The following IP6K1 variants were observed in gnomAD, a reference collection of about 807,000 sequenced individuals.
IP6K1 encodes the protein inositol hexakisphosphate kinase 1, also known as ATP:1D-myo-inositol-hexakisphosphate phosphotransferase.
IP6K1 carries 13 observed loss-of-function variants against 38.3 expected under a neutral mutation model. The observed-to-expected ratio is 0.34, with a 90% CI of 0.22 to 0.54. The LOEUF (loss-of-function observed/expected upper bound fraction) is 0.54, where lower values mean the gene tolerates loss of function less well. IP6K1 is among the 20% of genes least tolerant of loss of function. IP6K1 has a pLI of 0.92. For synonymous variants in IP6K1, 212 were observed against 229.9 expected, an observed-to-expected ratio of 0.92 and a Z score of 0.70; for missense variants, 397 against 599.8, an observed-to-expected ratio of 0.66 and a Z score of 3.53.
At position 49,729,393 on chromosome 3, in the gene IP6K1, T is replaced by G. The variant is rs2108220836; in HGVS notation, c.617-1115A>C. On this transcript the variant is annotated intron_variant, in intron 4 of 5. Transcript: ENST00000321599. ...AGCTCTAGGGTATTTTTATGTTGAT[T>G]TATTTTTGTTATTTTTTATTTTATT... 1.3e-5 allele frequency among the ~76,000 whole-genome samples: 2 copies of G among 151,026 alleles called. 1 individual carries two copies.
At position 49,768,960 on chromosome 3, in the gene IP6K1, T is replaced by C. The variant is rs57704135; in HGVS notation, c.-129+17394A>G. Among the ~76,000 whole-genome samples the C allele has an allele frequency of 0.055, 8,366 of 152,206 alleles. 1,745 individuals carry two copies. The East Asian group carries it at 0.62, about 11-fold the overall frequency. ...TGCCACTGCATCATACCCTTCAAAATAGTTAAAATTCTACATTTTCTCATG... is the reference window on the plus strand; with the variant it reads ...TGCCACTGCATCATACCCTTCAAAACAGTTAAAATTCTACATTTTCTCATG... On this transcript the variant is annotated intron_variant, in intron 1 of 5. Transcript: ENST00000321599.
At position 49,727,519 on chromosome 3, in the gene IP6K1, G is replaced by C; in HGVS notation, c.929C>G (p.Pro310Arg). The C allele has an allele frequency of 6.2e-7, 1 of 1,614,234 alleles. No individual in the cohort carries two copies. The highest frequency in any genetic ancestry group is 8.5e-7 in the Non-Finnish European group (1 of 1,180,032). The change falls in exon 6 of 6, where the codon CCT (proline) becomes CGT (arginine). Residue 310 changes from proline (P) to arginine (R), a missense_variant. Pro to Arg is a moderately radical substitution (Grantham distance 103, BLOSUM62 -2). This residue lies in a region of IP6K1 where 164 missense variants were observed against 213.5 expected (regional missense o/e 0.77). Coordinates refer to ENST00000321599, the MANE Select transcript of IP6K1 (RefSeq NM_153273.4). The surrounding 1 kb of genome is among the most constrained non-coding windows in gnomAD (Gnocchi z 5.9). ...GLDLRRDLFE[P>R]ILSKLRGLKA... is the part of the protein sequence containing the mutation. ...CAGGCCCCGCAGTTTGCTCAGGATA[G>C]GCTCAAACAGGTCACGTCGCAGGTC... is the stretch of plus-strand genomic sequence containing the variant.
At chr3:49,728,884 T>C (rs2080537342) in intron 4 of IP6K1, among the ~76,000 whole-genome samples, 1 of 151,962 alleles carries the variant, frequency 6.6e-6, no homozygotes, top group South Asian at 2.1e-4. Flanking sequence ...TAGAACTTTT[T>C]CATCTTCCCA....
intron 1 of IP6K1, among the ~76,000 whole-genome samples, chr3:49,763,842 C>G (rs1219358257): frequency 2.6e-5 from 4 of 151,928 alleles, no homozygotes. Flanking sequence ...ATGGTGAAAC[C>G]CCGTCTCTAC....
At chr3:49,783,745 A>G (rs955930857) in intron 1 of IP6K1, among the ~76,000 whole-genome samples, 6 of 151,960 alleles carry the variant, frequency 3.9e-5, no homozygotes, top group East Asian at 1.9e-4. Flanking sequence ...AGAAAAGCTA[A>G]TATTTTAATA....
chr3:49,743,953 T>C (rs769451568), intron 2 of IP6K1, among the ~76,000 whole-genome samples: 1 of 151,974 alleles, frequency 6.6e-6, no homozygotes, highest in Non-Finnish European at 1.5e-5. Context: ...TGAGGTATGA[T>C]TGCACCACTG....
intron 1 of IP6K1, among the ~76,000 whole-genome samples, chr3:49,782,253 C>T (rs1176401272): frequency 6.6e-6 from 1 of 151,952 alleles, no homozygotes; most frequent in East Asian, 1.9e-4. Flanking sequence ...TCACTGCAAC[C>T]TCCACCTCCC....
chr3:49,777,857 G>A (rs1214080282), intron 1 of IP6K1, among the ~76,000 whole-genome samples: 5 of 152,104 alleles, frequency 3.3e-5, no homozygotes, highest in African/African-American at 9.7e-5. Flanking sequence ...GGAGCTTGCA[G>A]TGAGCTGAGA....
intron 3 of IP6K1, among the ~76,000 whole-genome samples, chr3:49,737,290 G>A (rs1178082137): frequency 2.6e-5 from 4 of 152,118 alleles, no homozygotes; most frequent in East Asian, 3.9e-4. Flanking sequence ...AGTGTAGGAG[G>A]GTTCCATTTC....
intron 2 of IP6K1, among the ~76,000 whole-genome samples, chr3:49,743,784 T>C (rs943232653): frequency 6.6e-6 from 1 of 151,840 alleles, no homozygotes; most frequent in African/African-American, 2.4e-5. Context: ...CACACCCAAC[T>C]AAGTTTTGTA....
At chr3:49,770,286 T>C (rs1330137351) in intron 1 of IP6K1, among the ~76,000 whole-genome samples, 1 of 152,226 alleles carries the variant, frequency 6.6e-6, no homozygotes, top group Non-Finnish European at 1.5e-5. Flanking sequence ...ACAAGTCTTT[T>C]CAACAAATGT....
chr3:49,775,842 AG>A (rs1285570533), intron 1 of IP6K1, among the ~76,000 whole-genome samples: 1 of 152,002 alleles, frequency 6.6e-6, no homozygotes, highest in Non-Finnish European at 1.5e-5. Flanking sequence ...AAAAATTGAT[AG>A]ATTAGTTAAT....
chr3:49,775,707 A>G lies in IP6K1; in HGVS notation c.-129+10647T>C. On this transcript the variant is annotated intron_variant, in intron 1 of 5. Coordinates refer to ENST00000321599, the MANE Select transcript of IP6K1 (RefSeq NM_153273.4). The stretch of plus-strand genomic sequence containing the variant: ...TCCCGGCAGAAAGGGAGCAGAGCCC[A>G]GAGCATCACCAGGAGTGCCTGCTAG... 7.1e-6 allele frequency: 3 copies of G among 419,588 alleles called. No individual in the cohort carries two copies. In the East Asian group the frequency reaches 1.4e-4, roughly 19 times the overall value. 26.0% of individuals were successfully genotyped at this position (419,588 alleles called of 1,614,324 possible).
At chr3:49,776,723 G>A (rs2081011822) in intron 1 of IP6K1, among the ~76,000 whole-genome samples, 1 of 152,056 alleles carries the variant, frequency 6.6e-6, no homozygotes, top group Non-Finnish European at 1.5e-5. Flanking sequence ...TGATTTTGGG[G>A]TTACAAGTAA....
intron 1 of IP6K1, among the ~76,000 whole-genome samples, chr3:49,777,557 T>C (rs1449904071): frequency 2.7e-5 from 4 of 149,694 alleles, no homozygotes; most frequent in Non-Finnish European, 5.9e-5. Context: ...AGCGAGACTC[T>C]ATCTCAAAAA....
intron 2 of IP6K1, 79 bp from the exon 3 acceptor site, chr3:49,738,501 T>A (rs2080636550): frequency 1.1e-5 from 12 of 1,093,564 alleles, no homozygotes; most frequent in Non-Finnish European, 1.7e-5. Context: ...GCACTCACTT[T>A]CCCACACAGC....
intron 1 of IP6K1, chr3:49,775,255 G>C (rs1465947207): frequency 1.1e-5 from 2 of 179,374 alleles, no homozygotes; most frequent in African/African-American, 4.7e-5. Flanking sequence ...TAAAAAAATA[G>C]GCTTCTAGCG....
At chr3:49,764,669 G>A (rs752550687) in intron 1 of IP6K1, among the ~76,000 whole-genome samples, 6 of 151,462 alleles carry the variant, frequency 4.0e-5, no homozygotes, top group Non-Finnish European at 5.9e-5. Flanking sequence ...ACTTGAGGTC[G>A]GGAGTTCAAG....
intron 3 of IP6K1, among the ~76,000 whole-genome samples, chr3:49,736,063 C>T (rs1415805427): frequency 1.3e-5 from 2 of 151,886 alleles, no homozygotes; most frequent in Admixed American, 6.6e-5. Flanking sequence ...ATTACAGGCC[C>T]GCACCACCAC....
Sources: allele counts gnomAD v4.1 joint callset (sites outside exome capture counted in the v4.1 genomes callset), GRCh38; gene constraint gnomAD v4.1.1; regional missense constraint gnomAD v4.1.1; non-coding constraint Gnocchi (gnomAD v3.1); transcripts MANE v1.5; gene names NCBI Gene and HGNC (gene_info 2026-07-23, HGNC 2026-07-21).